Variants in EFHC2 observed in about 807,000 individuals in gnomAD.
EFHC2 encodes EF-hand domain containing 2.
Under a neutral mutation model 52.7 loss-of-function variants are expected in EFHC2, and 18 were observed. The observed-to-expected ratio is 0.34, with a 90% CI of 0.24 to 0.51. EFHC2 has a LOEUF of 0.51. EFHC2 is among the 20% of genes least tolerant of loss of function. The pLI is 0.97. For synonymous variants in EFHC2, 203 were observed against 204.1 expected (o/e 0.99, Z 0.04); for missense variants, 513 against 562.5 (o/e 0.91, Z 0.89).
At chrX:44,341,459 AT>A (rs770212885) in intron 1 of EFHC2, among the ~76,000 whole-genome samples, 2 of 112,057 alleles carry the variant, frequency 1.8e-5, no homozygotes, top group Non-Finnish European at 3.8e-5. Flanking sequence ...TATTTTATTT[AT>A]TTTTTTGAGA....
Position 44,248,883 on chromosome X carries a change from T to C in EFHC2, c.892A>G (p.Ile298Val). ...GAATTGAGAACTGCTCGATCTGTTA[T>C]CTGGCCTGGTTGATAGACTCTAGGT... ...CPPRVYQPGQ[I>V]TDRAVLNSYG... Residue 298 changes from isoleucine (I) to valine (V), a missense_variant, in exon 6 of 15, where the codon ATA becomes GTA. Transcript: ENST00000420999. 1 of 1,207,947 alleles carries C rather than the reference T, an allele frequency of 8.3e-7. No individual in the cohort carries two copies. Among genetic ancestry groups the C allele is most frequent in the Non-Finnish European group, 1.1e-6 (1 of 893,811 alleles).
chrX:44,235,467 GAGTT>G lies in EFHC2; in HGVS notation c.1281-24_1281-21del, dbSNP rs747240398. ...CCATAGCTAAATGGAAGAGAAATGA[GAGTT>G]AGAGCATTATACAGGTAATCTTCCA... is the stretch of plus-strand genomic sequence containing the variant. On this transcript the variant is annotated intron_variant, in intron 8 of 14. Coordinates refer to ENST00000420999, the MANE Select transcript of EFHC2 (RefSeq NM_025184.4). The G allele has an allele frequency of 3.7e-4, 435 of 1,164,302 alleles. No individual in the cohort carries two copies. The highest frequency in any genetic ancestry group is 4.6e-4 in the Non-Finnish European group (403 of 871,549).
At chrX:44,283,000 C>T (rs1402688114) in intron 2 of EFHC2, among the ~76,000 whole-genome samples, 3 of 110,240 alleles carry the variant, frequency 2.7e-5, no homozygotes, top group Non-Finnish European at 3.8e-5. Context: ...CTTCCCGACT[C>T]GGCTTCTACA....
At chrX:44,284,307 G>A (rs1345863495) in intron 2 of EFHC2, 1 of 111,685 alleles carries the variant, frequency 9.0e-6, no homozygotes, top group Admixed American at 9.5e-5. Flanking sequence ...CTGGAGGAGG[G>A]TATCTACAGC....
intron 8 of EFHC2, 28 bp downstream of exon 8, chrX:44,242,093 A>T: frequency 8.6e-7 from 1 of 1,161,312 alleles, no homozygotes; most frequent in Non-Finnish European, 1.1e-6. Context: ...GGGAAAGATC[A>T]GACTAAAATC....
At chrX:44,332,386 A>C (rs1345804998) in intron 1 of EFHC2, among the ~76,000 whole-genome samples, 1 of 110,821 alleles carries the variant, frequency 9.0e-6, no homozygotes, top group African/African-American at 3.3e-5. Flanking sequence ...GGGATGTCAA[A>C]CATACCATTA....
intron 13 of EFHC2, among the ~76,000 whole-genome samples, chrX:44,165,166 G>A (rs2036686766): frequency 9.0e-6 from 1 of 111,255 alleles, no homozygotes; most frequent in African/African-American, 3.3e-5. Context: ...TCAGTCCAAA[G>A]ATTTTTCTCT....
intron 8 of EFHC2, 138 bp downstream of exon 8, chrX:44,241,983 A>G (rs1319437553): frequency 8.4e-6 from 5 of 594,841 alleles, no homozygotes; most frequent in Non-Finnish European, 1.2e-5. Context: ...AATCAACCTC[A>G]TTAAAAGCCT....
At chrX:44,235,583 A>G (rs912045921) in intron 8 of EFHC2, 136 bp from the exon 9 acceptor site, 31 of 580,555 alleles carry the variant, frequency 5.3e-5, no homozygotes, top group Non-Finnish European at 7.5e-5. Context: ...GAGTTCAACC[A>G]TCGTCTAATT....
At chrX:44,180,167 G>A (rs1174257918) in intron 11 of EFHC2, among the ~76,000 whole-genome samples, 1 of 112,387 alleles carries the variant, frequency 8.9e-6, no homozygotes, top group Non-Finnish European at 1.9e-5. Context: ...GTGGGGCTCA[G>A]TCAGGAAATG....
intron 11 of EFHC2, among the ~76,000 whole-genome samples, chrX:44,225,260 A>AC (rs1302792176): frequency 3.6e-5 from 4 of 110,056 alleles, no homozygotes; most frequent in Admixed American, 9.6e-5. Flanking sequence ...TAAAAAAAAA[A>AC]AAAACAAAAA....
At chrX:44,296,068 ACT>A (rs1199519971) in intron 2 of EFHC2, among the ~76,000 whole-genome samples, 2 of 111,042 alleles carry the variant, frequency 1.8e-5, no homozygotes. Context: ...TCCCACTCAT[ACT>A]CTCTCTCCCT....
rs2036546239 is a variant in EFHC2 at position 44,148,861 on chromosome X, A to C, written c.2184T>G (p.Pro728=). Residue 728 remains proline, a synonymous_variant, in exon 15 of 15, where the codon CCT becomes CCG. Coordinates refer to ENST00000420999, the MANE Select transcript of EFHC2 (RefSeq NM_025184.4). ...AGTAGTCAATGTATTTCGCAGGAAT[A>C]GGTGATGGCATACCAAGCCAAACAT... ...CEDVWLGMPS[P]IPAKYIDYWT... The C allele has an allele frequency of 1.7e-6, 2 of 1,184,090 alleles. No homozygotes were observed. Among genetic ancestry groups the C allele is most frequent in the Non-Finnish European group, 2.3e-6 (2 of 881,206 alleles).
chrX:44,231,821 C>T (rs929003318), intron 10 of EFHC2, among the ~76,000 whole-genome samples: 3 of 112,175 alleles, frequency 2.7e-5, no homozygotes, highest in Admixed American at 9.4e-5. Context: ...CCCAAATAAA[C>T]ATGTTTGTAC....
intron 11 of EFHC2, among the ~76,000 whole-genome samples, chrX:44,200,304 A>C (rs755820920): frequency 5.4e-5 from 6 of 111,936 alleles, no homozygotes; most frequent in African/African-American, 1.6e-4. Flanking sequence ...AAACAAAAGG[A>C]AACAATCCAC....
intron 6 of EFHC2, 53 bp from the exon 7 acceptor site, chrX:44,248,463 A>C: frequency 8.9e-7 from 1 of 1,128,803 alleles, no homozygotes; most frequent in East Asian, 3.2e-5. Flanking sequence ...CCAAAGAACC[A>C]GGAACCCCTT....
At chrX:44,319,160 C>T (rs142102051) in intron 1 of EFHC2, among the ~76,000 whole-genome samples, 10,996 of 109,370 alleles carry the variant, frequency 0.1, 469 homozygotes, top group Admixed American at 0.19. Flanking sequence ...CCCACCACTA[C>T]ACCTGGCTCT....
At chrX:44,311,278 G>A (rs1361548466) in intron 2 of EFHC2, among the ~76,000 whole-genome samples, 1 of 110,556 alleles carries the variant, frequency 9.0e-6, no homozygotes, top group Non-Finnish European at 1.9e-5. Context: ...ATAAGTGTCA[G>A]AACTAGGCTT....
intron 11 of EFHC2, among the ~76,000 whole-genome samples, chrX:44,183,366 A>G (rs1657975396): frequency 8.9e-6 from 1 of 111,926 alleles, no homozygotes; most frequent in African/African-American, 3.2e-5. Flanking sequence ...GCTTTCTCTT[A>G]CACTTGTGGG....
Sources: gnomAD v4.1 joint callset for allele counts (sites outside exome capture counted in the v4.1 genomes callset) on GRCh38, gnomAD v4.1.1 for gene constraint, MANE v1.5 for transcripts, NCBI Gene and HGNC (gene_info 2026-07-23, HGNC 2026-07-21) for gene names.